The following PTPRD variants were observed in gnomAD, a reference collection of about 807,000 sequenced individuals.
PTPRD encodes the protein receptor-type tyrosine-protein phosphatase delta.
Under a neutral mutation model 214.5 loss-of-function variants are expected in PTPRD, and 34 were observed. The observed-to-expected ratio is 0.16, with a 90% confidence interval of 0.12 to 0.21. The LOEUF is 0.21. PTPRD is among the 10% of genes least tolerant of loss of function. The pLI is 1.00. For missense variants in PTPRD, 2,545 were observed against 2,398.7 expected (o/e 1.06, Z -1.27); for synonymous variants, 1,128 against 845.7 (o/e 1.33, Z -5.79).
In PTPRD at chr9:9,838,054, T is replaced by A. The variant is rs559591241; in HGVS notation, c.-367-71203A>T. 4.6e-5 allele frequency among the ~76,000 whole-genome samples: 7 copies of A among 152,318 alleles called. No homozygotes were observed. In the East Asian group the frequency reaches 1.4e-3, roughly 29 times the overall value. ...TGTCCTTGCGATAGTTTACTGAGAA[T>A]GATGATTTCCAGTTTCATCCATGTC... On this transcript the variant is annotated intron_variant, in intron 5 of 45. Coordinates refer to ENST00000381196, the MANE Select transcript of PTPRD (RefSeq NM_002839.4).
intron 8 of PTPRD, among the ~76,000 whole-genome samples, chr9:9,568,226 G>T (rs941254534): frequency 6.6e-6 from 1 of 151,742 alleles, no homozygotes; most frequent in Non-Finnish European, 1.5e-5. Context: ...GACATAATTA[G>T]AATAATTAAA....
At chr9:9,581,508 G>T (rs1197071597) in intron 7 of PTPRD, among the ~76,000 whole-genome samples, 1 of 152,014 alleles carries the variant, frequency 6.6e-6, no homozygotes, top group African/African-American at 2.4e-5. Flanking sequence ...TATTATAATT[G>T]TAGGCAACAT....
intron 38 of PTPRD, 130 bp from the exon 39 acceptor site, chr9:8,376,220 G>A (rs750426800): frequency 2.8e-6 from 3 of 1,072,290 alleles, no homozygotes; most frequent in Non-Finnish European, 3.9e-6. Flanking sequence ...CCTTTGGGAA[G>A]ACACACTCTT....
intron 3 of PTPRD, among the ~76,000 whole-genome samples, chr9:10,329,470 G>A (rs1262098338): frequency 6.6e-6 from 1 of 151,830 alleles, no homozygotes; most frequent in Non-Finnish European, 1.5e-5. Flanking sequence ...TGGATAGCAT[G>A]TAAAATCATG....
intron 31 of PTPRD, among the ~76,000 whole-genome samples, chr9:8,468,454 T>A (rs568850366): frequency 6.6e-6 from 1 of 152,024 alleles, no homozygotes; most frequent in South Asian, 2.1e-4. Flanking sequence ...TATCAATGTC[T>A]GCTCTACCCA....
chr9:9,059,691 A>G (rs575730433), intron 10 of PTPRD, among the ~76,000 whole-genome samples: 51 of 152,068 alleles, frequency 3.4e-4, no homozygotes, highest in Non-Finnish European at 6.5e-4. Context: ...ATAATTTTGT[A>G]TATACAAAGA....
chr9:9,692,216 G>T (rs1369102266), intron 7 of PTPRD, among the ~76,000 whole-genome samples: 1 of 152,056 alleles, frequency 6.6e-6, no homozygotes, highest in East Asian at 1.9e-4. Flanking sequence ...ATGTGCTGGA[G>T]AGTTTCCTCA....
intron 9 of PTPRD, among the ~76,000 whole-genome samples, chr9:9,273,881 A>T (rs1387801753): frequency 6.6e-6 from 1 of 151,306 alleles, no homozygotes; most frequent in African/African-American, 2.4e-5. Flanking sequence ...AACATTCGCC[A>T]AACCTTCCAG....
chr9:8,334,405 A>G (rs1844641331), intron 43 of PTPRD, among the ~76,000 whole-genome samples: 1 of 151,110 alleles, frequency 6.6e-6, no homozygotes, highest in African/African-American at 2.4e-5. Context: ...CCACACAACT[A>G]CATGGAAGCT....
At chr9:9,741,839 T>C (rs1488830293) in intron 6 of PTPRD, among the ~76,000 whole-genome samples, 2 of 152,236 alleles carry the variant, frequency 1.3e-5, no homozygotes, top group Non-Finnish European at 2.9e-5. Context: ...CCACATTTTC[T>C]TTATCCAGTC....
intron 9 of PTPRD, among the ~76,000 whole-genome samples, chr9:9,317,048 G>A (rs548288666): frequency 1.8e-4 from 28 of 151,988 alleles, no homozygotes; most frequent in African/African-American, 5.8e-4. Context: ...TTTTTTATTC[G>A]CATATACTGA....
chr9:10,539,228 A>G (rs1206777522), intron 2 of PTPRD, among the ~76,000 whole-genome samples: 7 of 152,154 alleles, frequency 4.6e-5, no homozygotes, highest in South Asian at 2.1e-4. Context: ...TCTGTTGCCC[A>G]GGTTGGAGTG....
intron 2 of PTPRD, among the ~76,000 whole-genome samples, chr9:10,563,559 A>C (rs2064650452): frequency 1.3e-5 from 2 of 152,194 alleles, no homozygotes; most frequent in African/African-American, 4.8e-5. Context: ...TGAATTAGTT[A>C]CATTATTTAA....
At chr9:9,386,789 T>G (rs2064011516) in intron 9 of PTPRD, among the ~76,000 whole-genome samples, 1 of 152,088 alleles carries the variant, frequency 6.6e-6, no homozygotes, top group Non-Finnish European at 1.5e-5. Context: ...AGGAGTAGGT[T>G]ATAGTTTATA....
chr9:8,991,411 A>G (rs545302677), intron 11 of PTPRD, among the ~76,000 whole-genome samples: 2 of 152,092 alleles, frequency 1.3e-5, no homozygotes, highest in Non-Finnish European at 2.9e-5. Context: ...ACCCCCTACA[A>G]GGTGCTCAGT....
intron 2 of PTPRD, among the ~76,000 whole-genome samples, chr9:10,490,283 A>G (rs1303131465): frequency 6.6e-6 from 1 of 152,230 alleles, no homozygotes; most frequent in African/African-American, 2.4e-5. Context: ...GATAATAAAG[A>G]GTATTTATTT....
intron 44 of PTPRD, among the ~76,000 whole-genome samples, chr9:8,322,360 A>T (rs1355667643): frequency 6.6e-6 from 1 of 152,228 alleles, no homozygotes; most frequent in Middle Eastern, 3.2e-3. Flanking sequence ...CCTAGTTGTG[A>T]ATGCAAAGTT....
chr9:9,056,664 T>C (rs1218329196), intron 10 of PTPRD, among the ~76,000 whole-genome samples: 1 of 152,218 alleles, frequency 6.6e-6, no homozygotes, highest in Non-Finnish European at 1.5e-5. Flanking sequence ...TTTTTTGGGA[T>C]TTTAGGCTGA....
At chr9:9,267,192 C>G (rs78361644) in intron 9 of PTPRD, among the ~76,000 whole-genome samples, 18,290 of 150,904 alleles carry the variant, frequency 0.12, 1,384 homozygotes, top group Middle Eastern at 0.2. Context: ...ACATAAAGAG[C>G]AAAAACTCAA....
Sources: gnomAD v4.1 joint callset for allele counts (sites outside exome capture counted in the v4.1 genomes callset) on GRCh38, gnomAD v4.1.1 for gene constraint, MANE v1.5 for transcripts, NCBI Gene and HGNC (gene_info 2026-07-23, HGNC 2026-07-21) for gene names.